Variants in GIT2 observed in about 807,000 individuals in gnomAD.
GIT2 encodes ARF GTPase-activating protein GIT2.
A neutral mutation model predicts 100.3 loss-of-function variants in GIT2; 32 were observed. The observed-to-expected ratio is 0.32, with a 90% CI of 0.24 to 0.43. The LOEUF (loss-of-function observed/expected upper bound fraction) is 0.43. Ranked by LOEUF, GIT2 falls within the 20% of genes least tolerant of loss-of-function variation. The pLI, the probability that GIT2 is intolerant of heterozygous loss-of-function variation, is 1.00. For missense variants in GIT2, 737 were observed against 975.1 expected, an observed-to-expected ratio of 0.76 and a Z score of 3.25; for synonymous variants, 353 against 364.1, an observed-to-expected ratio of 0.97 and a Z score of 0.35.
intron 16 of GIT2, chr12:109,939,514 C>T: frequency 3.5e-6 from 1 of 285,536 alleles, no homozygotes; most frequent in Middle Eastern, 1.2e-3. Context: ...TGCAAGGCAA[C>T]ATATCCTCAT....
chr12:109,988,170 T>C (rs1438226115), intron 4 of GIT2, among the ~76,000 whole-genome samples: 2 of 152,196 alleles, frequency 1.3e-5, no homozygotes, highest in African/African-American at 4.8e-5. Flanking sequence ...AAAGCCATAT[T>C]GGAAAAACAC....
intron 8 of GIT2, among the ~76,000 whole-genome samples, chr12:109,966,234 T>C (rs1057089097): frequency 2.1e-5 from 3 of 144,720 alleles, no homozygotes; most frequent in Non-Finnish European, 4.5e-5. Flanking sequence ...GACCTCGTGA[T>C]CCACCCGCCT....
chr12:109,999,408 T>G (rs1165564134), upstream of GIT2: 2 of 183,630 alleles, frequency 1.1e-5, no homozygotes, highest in East Asian at 2.9e-4. This position sits in a 1 kb window ranked among gnomAD's most constrained non-coding sequence, Gnocchi z 4.3. Context: ...CGCACTTCCC[T>G]GTTTGGGGCA....
chr12:109,981,307 G>T, intron 6 of GIT2: 1 of 357,200 alleles, frequency 2.8e-6, no homozygotes, highest in South Asian at 4.2e-5. Context: ...ACTTATGAGA[G>T]GGAAGGATAC....
At chr12:109,979,047 T>C (rs1259979498) in intron 7 of GIT2, among the ~76,000 whole-genome samples, 3 of 151,946 alleles carry the variant, frequency 2.0e-5, no homozygotes, top group East Asian at 1.9e-4. Flanking sequence ...GGTGAGAGAA[T>C]AGAGAGAAAA....
chr12:109,997,565 A>C (rs1889623631), upstream of GIT2: 1 of 152,192 alleles, frequency 6.6e-6, no homozygotes, highest in Non-Finnish European at 1.5e-5. Flanking sequence ...CGAGATGAAA[A>C]TGAAGAAGAG....
intron 9 of GIT2, among the ~76,000 whole-genome samples, chr12:109,963,026 G>A (rs1347040184): frequency 1.3e-5 from 2 of 152,032 alleles, no homozygotes; most frequent in Non-Finnish European, 2.9e-5. Flanking sequence ...GAAAAAACAA[G>A]TGCTGGTTAC....
At chr12:109,959,717 A>G in intron 12 of GIT2, 130 bp downstream of exon 12, 1 of 636,384 alleles carries the variant, frequency 1.6e-6, no homozygotes, top group Non-Finnish European at 2.8e-6. Context: ...TAAAGTAAAA[A>G]AACAAACAAA....
At chr12:109,973,858 A>G (rs1884479849) in intron 7 of GIT2, among the ~76,000 whole-genome samples, 1 of 151,962 alleles carries the variant, frequency 6.6e-6, no homozygotes, top group African/African-American at 2.4e-5. Flanking sequence ...CCTGGCCAAC[A>G]TGGTAAAACT....
chr12:109,965,922 G>C (rs970995901), intron 8 of GIT2, among the ~76,000 whole-genome samples: 1 of 151,642 alleles, frequency 6.6e-6, no homozygotes, highest in Admixed American at 6.6e-5. Context: ...AAAATATGTC[G>C]GGCTCGATGG....
chr12:109,988,854 A>C, intron 4 of GIT2, 109 bp downstream of exon 4: 1 of 475,708 alleles, frequency 2.1e-6, no homozygotes, highest in Non-Finnish European at 3.7e-6. Flanking sequence ...GTCTCAAAAA[A>C]AAAAAAAAAA....
chr12:109,968,959 G>A (rs1389012313), intron 7 of GIT2, among the ~76,000 whole-genome samples: 4 of 151,992 alleles, frequency 2.6e-5, no homozygotes, highest in Admixed American at 2.6e-4. Context: ...CCTGGGCTCA[G>A]GTAATCCACC....
intron 12 of GIT2, chr12:109,953,978 A>T (rs1041044486): frequency 6.6e-6 from 1 of 152,272 alleles, no homozygotes; most frequent in African/African-American, 2.4e-5. Flanking sequence ...CAGAAAGCAA[A>T]TTGTTAAACT....
chr12:109,930,839 T>C lies in GIT2; in HGVS notation c.*2139A>G, dbSNP rs935731906. The C allele has an allele frequency of 6.6e-6, 1 of 152,136 alleles. No individual in the cohort carries two copies. Among genetic ancestry groups the C allele is most frequent in the Non-Finnish European group, 1.5e-5 (1 of 68,056 alleles). The allele number at this position is 152,136 out of a possible 1,614,324, so 9.4% of individuals were successfully genotyped here. A position where few individuals can be genotyped will look rare whatever the true frequency, so the allele number is the denominator to read the frequency against. On this transcript the variant is annotated 3_prime_UTR_variant, in exon 20 of 20. Coordinates refer to ENST00000355312, the MANE Select transcript of GIT2 (RefSeq NM_057169.5). ...TCCCTGGGACAGCAGGGGCAGGGGT[T>C]TGCAAGATAAAGGAGGGTCAGCTAA... is the stretch of plus-strand genomic sequence containing the variant.
At position 109,975,636 on chromosome 12, in the gene GIT2, A is replaced by G. The variant is rs765977854; in HGVS notation, c.718+5316T>C. Among the ~76,000 whole-genome samples, 6 of 151,676 alleles carry G rather than the reference A, an allele frequency of 4.0e-5. No individual in the cohort carries two copies. In the East Asian group the frequency reaches 1.2e-3, roughly 29 times the overall value. ...TCTATAATGTTATTATTTATTTTCT[A>G]TTTGGTCCTTAGTTTTTTGTTCTCC... On this transcript the variant is annotated intron_variant, in intron 7 of 19. Coordinates refer to ENST00000355312, the MANE Select transcript of GIT2 (RefSeq NM_057169.5).
chr12:109,936,379 C>A (rs1872988428), intron 18 of GIT2, among the ~76,000 whole-genome samples: 1 of 151,490 alleles, frequency 6.6e-6, no homozygotes, highest in Non-Finnish European at 1.5e-5. Context: ...CATATTGCAT[C>A]TTTGAAGTAG....
Position 109,993,504 on chromosome 12 carries a change from A to G in GIT2, c.53-1744T>C, listed in dbSNP as rs576004495. The stretch of plus-strand genomic sequence containing the variant: ...CTAGAGACAAGGAGTTCAGGGTTTG[A>G]ACCCCAACTCTGCCACTTCTTGCAC... On this transcript the variant is annotated intron_variant, in intron 1 of 19. Coordinates refer to ENST00000355312, the MANE Select transcript of GIT2 (RefSeq NM_057169.5). Among the ~76,000 whole-genome samples the G allele has an allele frequency of 3.9e-5, 6 of 152,308 alleles. No individual in the cohort carries two copies. In the South Asian group the frequency reaches 1.2e-3, roughly 32 times the overall value.
At chr12:109,961,430 C>T in intron 10 of GIT2, 55 bp from the exon 11 acceptor site, 3 of 1,159,108 alleles carry the variant, frequency 2.6e-6, no homozygotes, top group Non-Finnish European at 3.9e-6. Flanking sequence ...TGCCACTGCT[C>T]CTGGGAGGCA....
intron 7 of GIT2, among the ~76,000 whole-genome samples, chr12:109,976,519 C>T (rs1303043732): frequency 2.0e-5 from 3 of 151,622 alleles, no homozygotes; most frequent in East Asian, 1.9e-4. Flanking sequence ...CTCCTGACCT[C>T]GTGATCTGCC....
Sources: allele counts gnomAD v4.1 joint callset (sites outside exome capture counted in the v4.1 genomes callset), GRCh38; gene constraint gnomAD v4.1.1; non-coding constraint Gnocchi (gnomAD v3.1); transcripts MANE v1.5; gene names NCBI Gene and HGNC (gene_info 2026-07-23, HGNC 2026-07-21).